PSPH: variants seen among roughly 807,000 people sequenced by gnomAD.
PSPH encodes the protein phosphoserine phosphatase.
Under a neutral mutation model 23.4 loss-of-function variants are expected in PSPH, and 16 were observed. That is an observed-to-expected ratio of 0.68 (90% CI 0.46 to 1.04). The LOEUF is 1.04. Ranked by LOEUF, PSPH falls within the 50% of genes least tolerant of loss-of-function variation. The probability of loss-of-function intolerance (pLI) is 0.00; values close to 1 mark genes in which losing one functional copy is unlikely to be tolerated. For synonymous variants in PSPH, 68 were observed against 99.7 expected (o/e 0.68, Z 1.89); for missense variants, 223 against 273.7 (o/e 0.81, Z 1.31).
chr7:56,017,716 CTTTTTT>C (rs35860273), intron 5 of PSPH, among the ~76,000 whole-genome samples: 35 of 82,392 alleles, frequency 4.2e-4, no homozygotes, highest in Non-Finnish European at 6.2e-4. Flanking sequence ...CACCCAGTTA[CTTTTTT>C]TTTTTTTTTT....
At chr7:56,040,372 A>ATTAT (rs2117080847) in intron 1 of PSPH, among the ~76,000 whole-genome samples, 1 of 101,714 alleles carries the variant, frequency 9.8e-6, no homozygotes, top group Admixed American at 1.1e-4. Context: ...AAAAGGAAAC[A>ATTAT]TTATTCATTT....
Position 56,051,421 on chromosome 7 carries a change from G to A in PSPH, c.-575C>T, listed in dbSNP as rs1794025052. Reference sequence around the variant, plus strand: ...CCCACGGCACCTAGGGCACCGTCGAGCACACGGTCCGGGAAGCTCCAATGA... The same window carrying A: ...CCCACGGCACCTAGGGCACCGTCGAACACACGGTCCGGGAAGCTCCAATGA... On this transcript the variant is annotated 5_prime_UTR_variant, in exon 1 of 8. Coordinates refer to ENST00000275605, the MANE Select transcript of PSPH (RefSeq NM_004577.4). 2 of 207,862 alleles carry A rather than the reference G, an allele frequency of 9.6e-6. No individual in the cohort carries two copies. The highest frequency in any genetic ancestry group is 2.0e-5 in the Non-Finnish European group (2 of 101,346). 12.9% of individuals were successfully genotyped at this position (207,862 alleles called of 1,614,324 possible). A position where few individuals can be genotyped will look rare whatever the true frequency, so the allele number is the denominator to read the frequency against.
intron 3 of PSPH, among the ~76,000 whole-genome samples, chr7:56,024,350 T>A (rs889777208): frequency 6.7e-6 from 1 of 149,868 alleles, no homozygotes; most frequent in Non-Finnish European, 1.5e-5. Context: ...TAGCTGGGAC[T>A]ACAGGTGTGA....
intron 1 of PSPH, among the ~76,000 whole-genome samples, chr7:56,038,177 A>G (rs866537588): frequency 3.0e-4 from 46 of 150,906 alleles, no homozygotes; most frequent in South Asian, 6.4e-4. Flanking sequence ...GGTGGCTCAC[A>G]CCTGTAATCC....
At chr7:56,042,165 A>G (rs1000542295) in intron 1 of PSPH, among the ~76,000 whole-genome samples, 6 of 149,936 alleles carry the variant, frequency 4.0e-5, no homozygotes, top group Non-Finnish European at 7.4e-5. Flanking sequence ...GGAGGTTTAC[A>G]GTGAGCCAAG....
intron 1 of PSPH, among the ~76,000 whole-genome samples, chr7:56,045,247 G>A (rs891512629): frequency 6.6e-6 from 1 of 152,096 alleles, no homozygotes; most frequent in Non-Finnish European, 1.5e-5. Context: ...GCTCACTCCT[G>A]TAATCCTAGC....
At chr7:56,050,446 T>C (rs1793864603) in intron 1 of PSPH, among the ~76,000 whole-genome samples, 1 of 152,080 alleles carries the variant, frequency 6.6e-6, no homozygotes, top group Non-Finnish European at 1.5e-5. Context: ...TTGTATTTGT[T>C]GTATAGATGG....
chr7:56,024,714 C>G (rs1004807824), intron 3 of PSPH, among the ~76,000 whole-genome samples: 6 of 151,760 alleles, frequency 4.0e-5, no homozygotes, highest in Non-Finnish European at 7.4e-5. Context: ...TGACACTGCA[C>G]TGCAGCCTGG....
chr7:56,013,522 AATAAAAC>A (rs1188036397), intron 7 of PSPH, among the ~76,000 whole-genome samples: 1 of 151,336 alleles, frequency 6.6e-6, no homozygotes, highest in Non-Finnish European at 1.5e-5. Flanking sequence ...TGTCTCAAAA[AATAAAAC>A]CTCTGCTAGT....
rs11445778 is a variant in PSPH, at chr7:56,027,887, TAAAA to T, written c.-20+4038_-20+4041del. 5.4e-5 allele frequency among the ~76,000 whole-genome samples: 4 copies of T among 74,750 alleles called. No individual in the cohort carries two copies. In the East Asian group the frequency reaches 1.7e-3, roughly 31 times the overall value. 49.0% of individuals were successfully genotyped at this position (74,750 alleles called of 152,430 possible). ...CGAGAACACAGTAAGATTCTTTCTC[TAAAA>T]AAAAAAAAAAAAAAAAAAAAAGTGG... On this transcript the variant is annotated intron_variant, in intron 3 of 7. Transcript: ENST00000275605.
chr7:56,014,685 T>A (rs564344399), intron 7 of PSPH, among the ~76,000 whole-genome samples: 1 of 152,290 alleles, frequency 6.6e-6, no homozygotes, highest in African/African-American at 2.4e-5. Context: ...GGCTCATGCC[T>A]GTAATCCCAG....
Position 56,011,710 on chromosome 7 carries a change from A to T in PSPH, c.*52T>A. On this transcript the variant is annotated 3_prime_UTR_variant, in exon 8 of 8. Coordinates refer to ENST00000275605, the MANE Select transcript of PSPH (RefSeq NM_004577.4). ...CTGTAAGCAAACAGTATCAATCTGT[A>T]TAACTTGTAAAAATTCATCTGAAGT... The T allele has an allele frequency of 6.3e-6, 9 of 1,425,556 alleles. No homozygotes were observed. In the Middle Eastern group the frequency reaches 1.1e-3, roughly 167 times the overall value. 88.3% of individuals were successfully genotyped at this position (1,425,556 alleles called of 1,614,324 possible).
chr7:56,031,599 G>A (rs1242498305), intron 3 of PSPH, among the ~76,000 whole-genome samples: 1 of 152,122 alleles, frequency 6.6e-6, no homozygotes, highest in Non-Finnish European at 1.5e-5. Context: ...GATGACCTGA[G>A]GTCAGGAGTT....
chr7:56,013,520 A>AAAT (rs1788209221), intron 7 of PSPH, among the ~76,000 whole-genome samples: 2 of 150,966 alleles, frequency 1.3e-5, no homozygotes, highest in African/African-American at 2.4e-5. Flanking sequence ...CCTGTCTCAA[A>AAAT]AAATAAAACC....
intron 1 of PSPH, among the ~76,000 whole-genome samples, chr7:56,044,580 A>C (rs1792982135): frequency 6.6e-6 from 1 of 152,172 alleles, no homozygotes; most frequent in Non-Finnish European, 1.5e-5. Flanking sequence ...TAATATTAAG[A>C]AAAACAATAT....
chr7:56,013,128 CATATATAT>C (rs990859163), intron 7 of PSPH, among the ~76,000 whole-genome samples: 1 of 134,544 alleles, frequency 7.4e-6, no homozygotes, highest in Non-Finnish European at 1.6e-5. Context: ...TATACACACA[CATATATAT>C]ACGTATATGT....
chr7:56,019,848 C>CCCA (rs757337753), intron 4 of PSPH, 114 bp from the exon 5 acceptor site: 9 of 1,391,988 alleles, frequency 6.5e-6, no homozygotes, highest in South Asian at 2.4e-5. Context: ...TACCAAGAGC[C>CCCA]CAGTGTGCAA....
At chr7:56,049,607 T>A (rs1793727045) in intron 1 of PSPH, among the ~76,000 whole-genome samples, 1 of 151,672 alleles carries the variant, frequency 6.6e-6, no homozygotes, top group South Asian at 2.1e-4. Flanking sequence ...CCCAGCTAAT[T>A]TTTGTATTTT....
chr7:56,014,964 A>T lies in PSPH; in HGVS notation c.570+59T>A, dbSNP rs561895720. 1.1e-5 allele frequency: 16 copies of T among 1,450,646 alleles called. No individual in the cohort carries two copies. In the East Asian group the frequency reaches 3.9e-4, roughly 35 times the overall value. The allele number at this position is 1,450,646 out of a possible 1,614,324, so 89.9% of individuals were successfully genotyped here. A position where few individuals can be genotyped will look rare whatever the true frequency, so the allele number is the denominator to read the frequency against. On this transcript the variant is annotated intron_variant, in intron 7 of 7. Coordinates refer to ENST00000275605, the MANE Select transcript of PSPH (RefSeq NM_004577.4). ...GTCTCAAAAAAAATAAAGAAATAAT[A>T]AATAAATAAATAAAACAAAAGTACA...
Sources: gnomAD v4.1 joint callset for allele counts (sites outside exome capture counted in the v4.1 genomes callset) on GRCh38, gnomAD v4.1.1 for gene constraint, MANE v1.5 for transcripts, NCBI Gene and HGNC (gene_info 2026-07-23, HGNC 2026-07-21) for gene names.